Variants in AGPS observed in about 807,000 individuals in gnomAD.
AGPS encodes the protein alkylglycerone phosphate synthase, also known as alkyldihydroxyacetonephosphate synthase, peroxisomal.
In AGPS, 26 loss-of-function variants were observed where a neutral mutation model predicts 90.7. That is an observed-to-expected ratio of 0.29 (90% CI 0.21 to 0.40). The LOEUF is 0.40. Among genes scored for constraint, AGPS ranks in the 10% least tolerant of loss-of-function variants. The pLI, the probability that AGPS is intolerant of heterozygous loss-of-function variation, is 1.00. For missense variants in AGPS, 540 were observed against 816.1 expected (o/e 0.66, Z 4.12); for synonymous variants, 294 against 285.3 (o/e 1.03, Z -0.31).
At chr2:177,446,647 G>A (rs144819684) in intron 8 of AGPS, among the ~76,000 whole-genome samples, 250 of 152,276 alleles carry the variant, frequency 1.6e-3, no homozygotes, top group African/African-American at 5.7e-3. Context: ...TTTTTTACTG[G>A]TATTGTTCTG....
chr2:177,421,357 A>T (rs1019583528), intron 2 of AGPS, among the ~76,000 whole-genome samples: 10 of 152,186 alleles, frequency 6.6e-5, no homozygotes, highest in African/African-American at 2.4e-4. Context: ...AACATGTGCT[A>T]TATCAGTATA....
intron 1 of AGPS, among the ~76,000 whole-genome samples, chr2:177,407,447 T>A (rs1013013192): frequency 2.0e-5 from 3 of 152,096 alleles, no homozygotes; most frequent in Non-Finnish European, 4.4e-5. Context: ...TCAGGAAGCT[T>A]ACAATCATGG....
rs535707432 is a variant in AGPS, at chr2:177,509,718, A to G, written c.1607+1687A>G. On this transcript the variant is annotated intron_variant, in intron 16 of 19. Coordinates refer to ENST00000264167, the MANE Select transcript of AGPS (RefSeq NM_003659.4). ...GCAGCTATTCATAGTGGTCTCAAAGATCTTTTTTTTAGTATGAAATTAGTT... is the reference window on the plus strand; with the variant it reads ...GCAGCTATTCATAGTGGTCTCAAAGGTCTTTTTTTTAGTATGAAATTAGTT... Among the ~76,000 whole-genome samples the G allele has an allele frequency of 1.5e-3, 225 of 151,996 alleles. 1 individual carries two copies. The highest frequency in any genetic ancestry group is 2.6e-3 in the Non-Finnish European group (176 of 67,956).
chr2:177,457,973 T>G (rs182460433), intron 8 of AGPS, among the ~76,000 whole-genome samples: 63 of 152,176 alleles, frequency 4.1e-4, no homozygotes, highest in African/African-American at 1.3e-3. Flanking sequence ...CAGCAGCACA[T>G]CAAAAAGCTT....
chr2:177,478,769 C>T (rs1687861035), intron 10 of AGPS, among the ~76,000 whole-genome samples: 1 of 151,764 alleles, frequency 6.6e-6, no homozygotes, highest in Admixed American at 6.6e-5. Flanking sequence ...CAATCAAATT[C>T]AGACACTTTA....
chr2:177,468,548 A>G (rs771402130), intron 10 of AGPS, 24 bp downstream of exon 10: 2 of 1,508,968 alleles, frequency 1.3e-6, no homozygotes, highest in Admixed American at 3.3e-5. Context: ...TAAATTTATT[A>G]AGAAAAAATA....
chr2:177,418,639 A>C (rs960963646), intron 1 of AGPS, among the ~76,000 whole-genome samples: 5 of 152,048 alleles, frequency 3.3e-5, no homozygotes, highest in African/African-American at 1.2e-4. Context: ...TAAAATATAC[A>C]TTTATCCTTC....
intron 1 of AGPS, among the ~76,000 whole-genome samples, chr2:177,403,081 G>A (rs1452848162): frequency 6.6e-6 from 1 of 151,950 alleles, no homozygotes; most frequent in African/African-American, 2.4e-5. Flanking sequence ...AAGAAAAAAA[G>A]AAACTTCATC....
chr2:177,522,975 T>C (rs908580451), intron 18 of AGPS, among the ~76,000 whole-genome samples: 2 of 152,236 alleles, frequency 1.3e-5, no homozygotes, highest in African/African-American at 4.8e-5. Flanking sequence ...TACAGTGCTC[T>C]TTAGTCATTC....
intron 1 of AGPS, among the ~76,000 whole-genome samples, chr2:177,401,998 T>TG (rs775790495): frequency 1.4e-4 from 22 of 152,356 alleles, no homozygotes; most frequent in Admixed American, 1.3e-4. Flanking sequence ...TCTAAGCACT[T>TG]GGGCTATGTC....
At chr2:177,449,966 T>G (rs1686889254) in intron 8 of AGPS, among the ~76,000 whole-genome samples, 1 of 152,036 alleles carries the variant, frequency 6.6e-6, no homozygotes, top group South Asian at 2.1e-4. Context: ...GCCTCCCCAG[T>G]AGCTGGGACT....
intron 16 of AGPS, among the ~76,000 whole-genome samples, chr2:177,509,387 C>T (rs1688800922): frequency 6.6e-6 from 1 of 152,282 alleles, no homozygotes; most frequent in South Asian, 2.1e-4. Flanking sequence ...TTGGCAGCGG[C>T]TGGGCGCGGT....
intron 11 of AGPS, among the ~76,000 whole-genome samples, chr2:177,486,247 A>G (rs988335527): frequency 1.3e-5 from 2 of 152,210 alleles, no homozygotes; most frequent in African/African-American, 4.8e-5. Flanking sequence ...GGAAACCTAC[A>G]TATTTTACTT....
intron 12 of AGPS, 77 bp downstream of exon 12, chr2:177,493,276 T>C: frequency 1.6e-6 from 2 of 1,282,266 alleles, no homozygotes; most frequent in Non-Finnish European, 2.3e-6. Flanking sequence ...GAGTACGGAG[T>C]GCAGAGGTAG....
intron 9 of AGPS, 55 bp from the exon 10 acceptor site, chr2:177,468,361 G>C: frequency 9.7e-7 from 1 of 1,027,348 alleles, no homozygotes; most frequent in Non-Finnish European, 1.5e-6. Context: ...TCTGTACATA[G>C]ACACACATTC....
intron 1 of AGPS, among the ~76,000 whole-genome samples, chr2:177,416,919 G>T (rs1376345984): frequency 6.6e-6 from 1 of 152,142 alleles, no homozygotes; most frequent in Non-Finnish European, 1.5e-5. Context: ...GACCTCTGGG[G>T]TTAGTTGAGA....
At chr2:177,471,395 T>C (rs1574396016) in intron 10 of AGPS, among the ~76,000 whole-genome samples, 1 of 152,204 alleles carries the variant, frequency 6.6e-6, no homozygotes, top group East Asian at 1.9e-4. Flanking sequence ...TCTTGTTTTG[T>C]GTTATGAATT....
At chr2:177,534,759 T>C (rs1219903697) in intron 19 of AGPS, among the ~76,000 whole-genome samples, 5 of 151,598 alleles carry the variant, frequency 3.3e-5, no homozygotes, top group African/African-American at 9.7e-5. Flanking sequence ...GCTTATTTTT[T>C]ATTTTTTTAT....
At chr2:177,394,022 AATTAAG>A (rs1685098547) in intron 1 of AGPS, among the ~76,000 whole-genome samples, 2 of 152,162 alleles carry the variant, frequency 1.3e-5, no homozygotes, top group South Asian at 4.1e-4. Flanking sequence ...CAGATGAATA[AATTAAG>A]TCTGCTGGAG....
Sources: gnomAD v4.1 joint callset for allele counts (sites outside exome capture counted in the v4.1 genomes callset) on GRCh38, gnomAD v4.1.1 for gene constraint, MANE v1.5 for transcripts, NCBI Gene and HGNC (gene_info 2026-07-23, HGNC 2026-07-21) for gene names.